The following TBCK variants were observed in gnomAD, a reference collection of about 807,000 sequenced individuals.
The protein encoded by TBCK is TBC1 domain containing kinase.
A neutral mutation model predicts 113.4 loss-of-function variants in TBCK; 99 were observed. The ratio of observed to expected loss-of-function variants is 0.87; its 90% CI spans 0.74 to 1.03. The LOEUF (loss-of-function observed/expected upper bound fraction) is 1.03, where lower values mean the gene tolerates loss of function less well. TBCK is among the 50% of genes least tolerant of loss of function. TBCK has a pLI of 0.00. For missense variants in TBCK, 1,045 were observed against 1,061.3 expected (o/e 0.98, Z 0.21); for synonymous variants, 369 against 370.8 (o/e 1.00, Z 0.05).
At chr4:106,310,416 G>A (rs1299627912) in intron 1 of TBCK, 2 of 152,240 alleles carry the variant, frequency 1.3e-5, no homozygotes, top group Non-Finnish European at 2.9e-5. Context: ...TTAAACAGCA[G>A]TCAGAGGGTT....
intron 24 of TBCK, among the ~76,000 whole-genome samples, chr4:106,112,535 T>C (rs886836985): frequency 5.9e-5 from 9 of 152,166 alleles, no homozygotes; most frequent in African/African-American, 2.2e-4. Flanking sequence ...ATTGGAGCCT[T>C]ACTATTGGCC....
intron 24 of TBCK, among the ~76,000 whole-genome samples, chr4:106,102,629 C>T (rs916429414): frequency 7.5e-5 from 11 of 147,406 alleles, no homozygotes; most frequent in Non-Finnish European, 1.7e-4. Flanking sequence ...GACATTAAAT[C>T]TCCTGGAAGC....
intron 24 of TBCK, among the ~76,000 whole-genome samples, chr4:106,110,549 AT>A (rs1434032196): frequency 1.3e-5 from 2 of 152,228 alleles, no homozygotes; most frequent in African/African-American, 4.8e-5. Flanking sequence ...CGCAGGCTCA[AT>A]TAAGAGACCT....
At chr4:106,111,439 AC>A (rs1742847444) in intron 24 of TBCK, among the ~76,000 whole-genome samples, 1 of 152,178 alleles carries the variant, frequency 6.6e-6, no homozygotes, top group African/African-American at 2.4e-5. Flanking sequence ...GCAGAACGGG[AC>A]AGAGAAAAAT....
At chr4:106,153,586 G>T (rs565469738) in intron 23 of TBCK, among the ~76,000 whole-genome samples, 1 of 152,020 alleles carries the variant, frequency 6.6e-6, no homozygotes, top group African/African-American at 2.4e-5. Context: ...GGTCCATTTG[G>T]TCTATAATGC....
intron 19 of TBCK, among the ~76,000 whole-genome samples, chr4:106,222,532 AGAT>A (rs1449310545): frequency 6.6e-6 from 1 of 152,182 alleles, no homozygotes; most frequent in Non-Finnish European, 1.5e-5. Context: ...AGAAGATGAA[AGAT>A]GATGGGTGGG....
chr4:106,140,092 C>G (rs1014686174), intron 23 of TBCK, among the ~76,000 whole-genome samples: 1 of 140,012 alleles, frequency 7.1e-6, no homozygotes, highest in African/African-American at 2.5e-5. Context: ...TTCAATTTTA[C>G]AGTTGTTAAA....
chr4:106,117,594 T>C (rs969035562), intron 23 of TBCK, among the ~76,000 whole-genome samples: 1 of 152,198 alleles, frequency 6.6e-6, no homozygotes, highest in African/African-American at 2.4e-5. Context: ...TCTATGTTTC[T>C]TAGTAGAAGA....
Position 106,244,667 on chromosome 4 carries a change from C to T in TBCK, c.1029G>A (p.Lys343=), listed in dbSNP as rs186546946. ...GGDLEKELVN[K]EIIRSKPPIC... is the part of the protein sequence containing the mutation. ...TAGGTGGTTTGGATCGAATGATTTCCTTGTTGACAAGCTCTTTCTCCAAGT... is the reference window on the plus strand; with the variant it reads ...TAGGTGGTTTGGATCGAATGATTTCTTTGTTGACAAGCTCTTTCTCCAAGT... Residue 343 remains lysine (K), a synonymous_variant, in exon 11 of 26, where the codon AAG becomes AAA. Coordinates refer to ENST00000394708, the MANE Select transcript of TBCK (RefSeq NM_001163435.3). 3.1e-6 allele frequency: 5 copies of T among 1,612,174 alleles called. No individual in the cohort carries two copies. The African/African-American group carries it at 5.3e-5, about 17-fold the overall frequency.
chr4:106,247,178 C>A lies in TBCK; in HGVS notation c.892G>T (p.Asp298Tyr). 1.2e-6 allele frequency: 2 copies of A among 1,613,426 alleles called. No homozygotes were observed. Among genetic ancestry groups the A allele is most frequent in the Non-Finnish European group, 1.7e-6 (2 of 1,179,656 alleles). Residue 298 changes from aspartate to tyrosine, a missense_variant, in exon 10 of 26, where the codon GAT (aspartate) becomes TAT (tyrosine). Coordinates refer to ENST00000394708, the MANE Select transcript of TBCK (RefSeq NM_001163435.3). The stretch of plus-strand genomic sequence containing the variant: ...CTGATATCCTCAGGCAGAGTTAAAT[C>A]AGCACATCTCAGAGAAGATGAAAAC... ...SLFSSSLRCADLTLPEDISQL... is the reference protein window; with the variant it reads ...SLFSSSLRCAYLTLPEDISQL...
intron 3 of TBCK, among the ~76,000 whole-genome samples, chr4:106,271,766 AC>A (rs374452507): frequency 2.3e-3 from 352 of 151,218 alleles, no homozygotes; most frequent in Non-Finnish European, 3.7e-3. Flanking sequence ...AAAAAAAAAA[AC>A]AAAACAAAAA....
chr4:106,300,265 T>C (rs1766799642), intron 2 of TBCK, among the ~76,000 whole-genome samples: 1 of 152,200 alleles, frequency 6.6e-6, no homozygotes, highest in African/African-American at 2.4e-5. Context: ...GTTTTGGGTA[T>C]GTCTTTATCA....
intron 2 of TBCK, among the ~76,000 whole-genome samples, chr4:106,303,338 TTC>T (rs1767150718): frequency 6.6e-6 from 1 of 152,162 alleles, no homozygotes; most frequent in Non-Finnish European, 1.5e-5. Flanking sequence ...AAGCCCTTTT[TTC>T]TTTTTTTTCC....
At chr4:106,073,858 G>C (rs923472970) in intron 25 of TBCK, among the ~76,000 whole-genome samples, 8 of 152,192 alleles carry the variant, frequency 5.3e-5, no homozygotes, top group Non-Finnish European at 1.2e-4. Context: ...CCGCCTCACA[G>C]TTCGATCTCA....
Position 106,116,264 on chromosome 4 carries a change from TG to T in TBCK, c.2349del (p.Ser784AlafsTer80), listed in dbSNP as rs1743484379. 1 of 1,613,990 alleles carries T rather than the reference TG, an allele frequency of 6.2e-7. No individual in the cohort carries two copies. The highest frequency in any genetic ancestry group is 8.5e-7 in the Non-Finnish European group (1 of 1,180,028). ...GGTTTACTGGACTTTGTTTTCTTGC[TG>T]GGTGTTTTGAAGTGGCCTGTCACTG... ...ELTVTGHFKT[P>X]SKKTKSSKPK... On this transcript the variant is annotated frameshift_variant, in exon 24 of 26. Coordinates refer to ENST00000394708, the MANE Select transcript of TBCK (RefSeq NM_001163435.3). LOFTEE classifies it high-confidence loss of function.
At chr4:106,093,908 G>C (rs1233667784) in intron 25 of TBCK, among the ~76,000 whole-genome samples, 1 of 152,106 alleles carries the variant, frequency 6.6e-6, no homozygotes. Context: ...GTGGACTTGG[G>C]ATGATAATGA....
chr4:106,180,480 C>A (rs2149773983), intron 22 of TBCK, among the ~76,000 whole-genome samples: 1 of 152,056 alleles, frequency 6.6e-6, no homozygotes, highest in South Asian at 2.1e-4. Context: ...TGGTCTGCAG[C>A]ACCCATCAAC....
chr4:106,274,632 T>C (rs540541276), intron 3 of TBCK, among the ~76,000 whole-genome samples: 3 of 152,288 alleles, frequency 2.0e-5, no homozygotes, highest in Non-Finnish European at 4.4e-5. Context: ...GGTAAATTCA[T>C]ACAGGAAGTA....
At chr4:106,256,993 C>T (rs1272849573) in intron 5 of TBCK, among the ~76,000 whole-genome samples, 1 of 152,024 alleles carries the variant, frequency 6.6e-6, no homozygotes, top group Admixed American at 6.6e-5. Flanking sequence ...AAACCCTCTA[C>T]AACTACCAAT....
Sources: allele counts gnomAD v4.1 joint callset (sites outside exome capture counted in the v4.1 genomes callset), GRCh38; gene constraint gnomAD v4.1.1; transcripts MANE v1.5; gene names NCBI Gene and HGNC (gene_info 2026-07-23, HGNC 2026-07-21).